CASP10: variants seen among roughly 807,000 people sequenced by gnomAD.
The protein encoded by CASP10 is caspase 10.
Under a neutral mutation model 48.5 loss-of-function variants are expected in CASP10, and 41 were observed. The ratio of observed to expected loss-of-function variants is 0.85; its 90% CI spans 0.66 to 1.10. The LOEUF (loss-of-function observed/expected upper bound fraction) is 1.10, where lower values mean the gene tolerates loss of function less well. Ranked by LOEUF, CASP10 falls within the 50% of genes least tolerant of loss-of-function variation. The pLI, the probability that CASP10 is intolerant of heterozygous loss-of-function variation, is 0.00. For synonymous variants in CASP10, 232 were observed against 238.4 expected, an observed-to-expected ratio of 0.97 and a Z score of 0.25; for missense variants, 614 against 614.5, an observed-to-expected ratio of 1.00 and a Z score of 0.01.
chr2:201,210,030 GA>G (rs1470429825), intron 9 of CASP10, among the ~76,000 whole-genome samples: 1 of 152,220 alleles, frequency 6.6e-6, no homozygotes, highest in African/African-American at 2.4e-5. Context: ...GAGGCTTCTA[GA>G]AATGACAAAT....
intron 2 of CASP10, 26 bp from the exon 3 acceptor site, chr2:201,187,680 T>C (rs1042186758): frequency 6.4e-7 from 1 of 1,552,508 alleles, no homozygotes. Context: ...TAAGGCTTTA[T>C]TTGTCATTTT....
intron 9 of CASP10, among the ~76,000 whole-genome samples, chr2:201,209,919 G>A (rs1945341280): frequency 6.6e-6 from 1 of 152,202 alleles, no homozygotes; most frequent in African/African-American, 2.4e-5. Flanking sequence ...CAAACAAATA[G>A]ACGGGGAAGG....
At chr2:201,191,264 T>A (rs1944602125) in intron 3 of CASP10, among the ~76,000 whole-genome samples, 1 of 152,202 alleles carries the variant, frequency 6.6e-6, no homozygotes, top group Non-Finnish European at 1.5e-5. Flanking sequence ...TGATCTTGTT[T>A]TTCTCAGTAT....
At chr2:201,202,134 A>G (rs1455138605) in intron 5 of CASP10, among the ~76,000 whole-genome samples, 4 of 152,188 alleles carry the variant, frequency 2.6e-5, no homozygotes, top group Non-Finnish European at 4.4e-5. Context: ...TACAGGCGTG[A>G]GCCACCGTAC....
At position 201,219,557 on chromosome 2, in the gene CASP10, A is replaced by T; in HGVS notation, c.*1816A>T. On this transcript the variant is annotated 3_prime_UTR_variant, in exon 10 of 10. Coordinates refer to ENST00000286186, the MANE Select transcript of CASP10 (RefSeq NM_032977.4). ...CTCCTCTGGCCCAAGGCATGAGGAG[A>T]GAGGCTGTGTCAGAAACTGAAGCTG... 1.0e-6 allele frequency: 1 copy of T among 985,408 alleles called. No homozygotes were observed. The highest frequency in any genetic ancestry group is 1.7e-5 in the African/African-American group (1 of 57,322). The allele number at this position is 985,408 out of a possible 1,614,324, so 61.0% of individuals were successfully genotyped here.
At chr2:201,229,056 C>G (rs776889289) in exon 10 of CASP10, 17 of 1,614,112 alleles carry the variant, frequency 1.1e-5, no homozygotes, top group Non-Finnish European at 1.4e-5. Flanking sequence ...CTCGACCCCC[C>G]ATGCGCAGGT....
intron 6 of CASP10, among the ~76,000 whole-genome samples, 188 bp downstream of exon 6, chr2:201,203,954 A>G (rs1187480069): frequency 6.6e-6 from 1 of 152,198 alleles, no homozygotes; most frequent in Admixed American, 6.5e-5. Flanking sequence ...CTATGGCAGT[A>G]TGGAGAGGGC....
At chr2:201,208,488 C>A in intron 8 of CASP10, 1 of 424,604 alleles carries the variant, frequency 2.4e-6, no homozygotes, top group Non-Finnish European at 3.1e-6. Context: ...ATGGGAGAGT[C>A]AAGAGACCTT....
At chr2:201,206,782 T>G (rs2126043597) in intron 7 of CASP10, among the ~76,000 whole-genome samples, 1 of 152,076 alleles carries the variant, frequency 6.6e-6, no homozygotes, top group African/African-American at 2.4e-5. Flanking sequence ...TACAAAAGAT[T>G]TCCCTTTTTT....
intron 9 of CASP10, among the ~76,000 whole-genome samples, chr2:201,226,727 A>G (rs545033814): frequency 6.6e-6 from 1 of 152,316 alleles, no homozygotes; most frequent in Non-Finnish European, 1.5e-5. Context: ...CAAACAATCT[A>G]TATATTCATC....
chr2:201,194,769 A>G (rs1157996226), intron 4 of CASP10, among the ~76,000 whole-genome samples: 1 of 152,050 alleles, frequency 6.6e-6, no homozygotes, highest in African/African-American at 2.4e-5. Flanking sequence ...TTGAAGACTG[A>G]GCTTTGTTTT....
In CASP10 at chr2:201,186,117, C is replaced by A; in HGVS notation, c.340C>A (p.Leu114Met). ...RLLPTRQRVSLFRNLLYELSE... is the reference protein window; with the variant it reads ...RLLPTRQRVSMFRNLLYELSE... ...GCTGCCCACCCGACAAAGGGTTTCT[C>A]TGTTTAGGTGAGGACGGGTCTGTGG... Residue 114 changes from leucine to methionine, a missense_variant, in exon 2 of 10, where the codon CTG (leucine) becomes ATG (methionine). By Grantham distance (15) the Leu-to-Met change is conservative. Coordinates refer to ENST00000286186, the MANE Select transcript of CASP10 (RefSeq NM_032977.4). 6.2e-7 allele frequency: 1 copy of A among 1,611,144 alleles called. No individual in the cohort carries two copies. The highest frequency in any genetic ancestry group is 1.1e-5 in the South Asian group (1 of 90,940).
At chr2:201,217,554 G>A (rs772885947) in intron 9 of CASP10, 34 bp from the exon 10 acceptor site, 15 of 1,526,944 alleles carry the variant, frequency 9.8e-6, no homozygotes, top group Admixed American at 5.0e-5. Flanking sequence ...GTGAGACTCC[G>A]TAAAAAAAAA....
chr2:201,228,652 TG>T (rs1384538357), intron 9 of CASP10, among the ~76,000 whole-genome samples: 1 of 152,232 alleles, frequency 6.6e-6, no homozygotes, highest in Non-Finnish European at 1.5e-5. Flanking sequence ...ATAGGAGCCA[TG>T]GCCTCTCCAC....
intron 2 of CASP10, 155 bp from the exon 3 acceptor site, chr2:201,187,551 G>A (rs2126008194): frequency 1.4e-6 from 1 of 704,290 alleles, no homozygotes; most frequent in South Asian, 1.5e-5. Flanking sequence ...GAAACTGAAA[G>A]TTTTCATTTT....
chr2:201,216,448 G>C (rs1488176042), intron 9 of CASP10, among the ~76,000 whole-genome samples: 1 of 152,080 alleles, frequency 6.6e-6, no homozygotes, highest in Non-Finnish European at 1.5e-5. Flanking sequence ...CTTGGTGGAG[G>C]TAATATTTCA....
chr2:201,214,850 T>C (rs936414892), intron 9 of CASP10: 2 of 152,034 alleles, frequency 1.3e-5, no homozygotes, highest in Admixed American at 1.3e-4. Context: ...TATTATTCCT[T>C]CTAGGCATAG....
intron 5 of CASP10, among the ~76,000 whole-genome samples, chr2:201,203,086 G>C (rs1292935364): frequency 6.6e-6 from 1 of 152,138 alleles, no homozygotes; most frequent in South Asian, 2.1e-4. Context: ...TATAGAGGCT[G>C]TCCTTGGCAT....
chr2:201,201,468 G>C (rs570999708), intron 5 of CASP10, among the ~76,000 whole-genome samples: 15 of 151,734 alleles, frequency 9.9e-5, no homozygotes, highest in Admixed American at 3.3e-4. Context: ...TGACATGCAT[G>C]TAGAAACACA....
Sources: allele counts gnomAD v4.1 joint callset (sites outside exome capture counted in the v4.1 genomes callset), GRCh38; gene constraint gnomAD v4.1.1; transcripts MANE v1.5; gene names NCBI Gene and HGNC (gene_info 2026-07-23, HGNC 2026-07-21).